ARL6: variants seen among roughly 807,000 people sequenced by gnomAD.
The protein encoded by ARL6 is ARF like GTPase 6.
In ARL6, 18 loss-of-function variants were observed where a neutral mutation model predicts 27.1. The observed-to-expected ratio is 0.66, with a 90% CI of 0.46 to 0.98. ARL6 has a LOEUF of 0.98. ARL6 is among the 50% of genes least tolerant of loss of function. ARL6 has a pLI of 0.00. For missense variants in ARL6, 187 were observed against 214.9 expected, an observed-to-expected ratio of 0.87 and a Z score of 0.81; for synonymous variants, 65 against 72.3, an observed-to-expected ratio of 0.90 and a Z score of 0.51.
intron 5 of ARL6, among the ~76,000 whole-genome samples, chr3:97,785,515 A>C (rs1176542190): frequency 2.0e-5 from 3 of 151,634 alleles, no homozygotes; most frequent in African/African-American, 7.3e-5. Context: ...TATCTCCCAA[A>C]AATATCTGTA....
At position 97,764,790 on chromosome 3, in the gene ARL6, G is replaced by A. The variant is rs1292408230; in HGVS notation, c.-215G>A. 1 of 152,282 alleles carries A rather than the reference G, an allele frequency of 6.6e-6. No individual in the cohort carries two copies. Among genetic ancestry groups the A allele is most frequent in the Non-Finnish European group, 1.5e-5 (1 of 68,084 alleles). The allele number at this position is 152,282 out of a possible 1,614,324, so 9.4% of individuals were successfully genotyped here. A position where few individuals can be genotyped will look rare whatever the true frequency, so the allele number is the denominator to read the frequency against. On this transcript the variant is annotated 5_prime_UTR_variant, in exon 1 of 8. Transcript: ENST00000463745. ...CTGCTCAGCGACTGATGCACAGACT[G>A]CTGCAGAGGCTGCCGGTTTTCCCAA...
intron 4 of ARL6, among the ~76,000 whole-genome samples, chr3:97,784,627 C>T (rs374070391): frequency 5.3e-5 from 8 of 151,676 alleles, no homozygotes; most frequent in Admixed American, 3.9e-4. Flanking sequence ...ATTATTGCAT[C>T]GGTGTAATAG....
intron 2 of ARL6, 138 bp from the exon 3 acceptor site, chr3:97,780,021 A>C: frequency 1.4e-6 from 1 of 701,408 alleles, no homozygotes; most frequent in Non-Finnish European, 2.5e-6. Context: ...GATCCTATTG[A>C]AAAAATTATA....
chr3:97,780,775 C>CT (rs1372307152), intron 4 of ARL6, 92 bp downstream of exon 4: 7,831 of 748,992 alleles, frequency 0.01, 6 homozygotes, highest in Non-Finnish European at 0.012. Context: ...GGTTGTTTGG[C>CT]TTTTTTTTTT....
At chr3:97,781,064 A>G (rs1379849711) in intron 4 of ARL6, among the ~76,000 whole-genome samples, 1 of 152,070 alleles carries the variant, frequency 6.6e-6, no homozygotes, top group African/African-American at 2.4e-5. Flanking sequence ...CTCTCTAATC[A>G]TACTTACCAT....
At chr3:97,785,727 C>G (rs1438673643) in intron 5 of ARL6, among the ~76,000 whole-genome samples, 2 of 152,020 alleles carry the variant, frequency 1.3e-5, no homozygotes, top group Non-Finnish European at 2.9e-5. Context: ...TTTAATCATT[C>G]ACCTGTTGAT....
chr3:97,794,660 T>G (rs143532945), intron 7 of ARL6, among the ~76,000 whole-genome samples: 1 of 152,316 alleles, frequency 6.6e-6, no homozygotes, highest in African/African-American at 2.4e-5. Context: ...CCAAAGTTCT[T>G]TATGTGAATG....
intron 2 of ARL6, among the ~76,000 whole-genome samples, chr3:97,774,285 C>A (rs954959707): frequency 1.3e-5 from 2 of 152,078 alleles, no homozygotes; most frequent in East Asian, 3.9e-4. Context: ...CCTCTGGGGC[C>A]CCCCCAGGAT....
intron 1 of ARL6, among the ~76,000 whole-genome samples, chr3:97,767,143 AT>A (rs956036034): frequency 5.3e-5 from 8 of 151,662 alleles, no homozygotes; most frequent in Admixed American, 2.6e-4. Flanking sequence ...ATTAGAAAGA[AT>A]TTTTTTTTCA....
intron 2 of ARL6, among the ~76,000 whole-genome samples, chr3:97,772,389 T>A (rs548213351): frequency 6.6e-6 from 1 of 152,170 alleles, no homozygotes; most frequent in South Asian, 2.1e-4. Flanking sequence ...AGTTCTAATT[T>A]CATTTATTTG....
intron 7 of ARL6, among the ~76,000 whole-genome samples, chr3:97,794,474 A>G (rs1247763402): frequency 6.6e-6 from 1 of 152,032 alleles, no homozygotes; most frequent in African/African-American, 2.4e-5. Flanking sequence ...TCAGCCTCCA[A>G]AAGTGGTGGG....
At chr3:97,770,999 T>A (rs2036612120) in intron 2 of ARL6, among the ~76,000 whole-genome samples, 1 of 152,072 alleles carries the variant, frequency 6.6e-6, no homozygotes, top group Non-Finnish European at 1.5e-5. Context: ...TTTTGGCTAT[T>A]TGGGGTCTTT....
At chr3:97,775,178 C>T (rs141637851) in intron 2 of ARL6, among the ~76,000 whole-genome samples, 2,028 of 152,196 alleles carry the variant, frequency 0.013, 44 homozygotes, top group African/African-American at 0.047. Context: ...TATTCTGTTC[C>T]TCTAGAACCA....
At chr3:97,791,685 TCTC>T in intron 6 of ARL6, 83 bp from the exon 7 acceptor site, 1 of 1,242,416 alleles carries the variant, frequency 8.0e-7, no homozygotes, top group Non-Finnish European at 1.2e-6. Context: ...ATGTGTTAAT[TCTC>T]CATATGGCAA....
intron 2 of ARL6, among the ~76,000 whole-genome samples, chr3:97,776,863 T>C (rs1237838279): frequency 6.6e-6 from 1 of 152,222 alleles, no homozygotes; most frequent in Non-Finnish European, 1.5e-5. Flanking sequence ...TTCACCATGT[T>C]GGCCTGGCTG....
chr3:97,772,982 A>G (rs1229653177), intron 2 of ARL6, among the ~76,000 whole-genome samples: 1 of 152,186 alleles, frequency 6.6e-6, no homozygotes, highest in Non-Finnish European at 1.5e-5. Context: ...GTTTTGCAGT[A>G]TCCATAGATT....
chr3:97,770,516 T>G (rs1202148943), intron 2 of ARL6, among the ~76,000 whole-genome samples: 1 of 152,182 alleles, frequency 6.6e-6, no homozygotes, highest in Admixed American at 6.6e-5. Flanking sequence ...GATTGTTTCC[T>G]TTGCTGTGTA....
chr3:97,787,907 T>G lies in ARL6; in HGVS notation c.350-83T>G. ...TGAAAAAAGATAATTGAAAAAAAAT[T>G]TCATGGGTTTCAGTACTAAAGATTT... On this transcript the variant is annotated intron_variant, in intron 5 of 7. Coordinates refer to ENST00000463745, the MANE Select transcript of ARL6 (RefSeq NM_001278293.3). 3 of 1,456,376 alleles carry G rather than the reference T, an allele frequency of 2.1e-6. No individual in the cohort carries two copies. In the South Asian group the frequency reaches 3.5e-5, roughly 17 times the overall value. The allele number at this position is 1,456,376 out of a possible 1,614,324, so 90.2% of individuals were successfully genotyped here. A position where few individuals can be genotyped will look rare whatever the true frequency, so the allele number is the denominator to read the frequency against.
At chr3:97,797,576 A>G (rs2038063621) in intron 7 of ARL6, among the ~76,000 whole-genome samples, 1 of 152,146 alleles carries the variant, frequency 6.6e-6, no homozygotes, top group Admixed American at 6.6e-5. Context: ...AGTAACAATA[A>G]AAGTATATTA....
Sources: allele counts gnomAD v4.1 joint callset (sites outside exome capture counted in the v4.1 genomes callset), GRCh38; gene constraint gnomAD v4.1.1; transcripts MANE v1.5; gene names NCBI Gene and HGNC (gene_info 2026-07-23, HGNC 2026-07-21).